CEP89: variants seen among roughly 807,000 people sequenced by gnomAD.
CEP89 encodes centrosomal protein 89, also known as centrosomal protein of 89 kDa.
In CEP89, 95 loss-of-function variants were observed where a neutral mutation model predicts 97.6. The ratio of observed to expected loss-of-function variants is 0.97; its 90% CI spans 0.82 to 1.15. The LOEUF (loss-of-function observed/expected upper bound fraction) is 1.15, where lower values mean the gene tolerates loss of function less well. Among genes scored for constraint, CEP89 ranks in the 50% most tolerant of loss-of-function variants. The pLI is 0.00. For synonymous variants in CEP89, 354 were observed against 349.1 expected, an observed-to-expected ratio of 1.01 and a Z score of -0.16; for missense variants, 869 against 947.7, an observed-to-expected ratio of 0.92 and a Z score of 1.09.
intron 13 of CEP89, 92 bp from the exon 14 acceptor site, chr19:32,915,609 T>A: frequency 8.8e-7 from 1 of 1,132,388 alleles, no homozygotes; most frequent in Non-Finnish European, 1.3e-6. Context: ...GAGAGTCAGC[T>A]GATAAAAATG....
chr19:32,971,224 C>T, intron 1 of CEP89: 1 of 325,506 alleles, frequency 3.1e-6, no homozygotes, highest in Non-Finnish European at 5.6e-6. Context: ...ATGGGACTTG[C>T]TGATGGGGTG....
chr19:32,954,032 CTAAT>C (rs1970994994), intron 3 of CEP89, among the ~76,000 whole-genome samples: 1 of 151,890 alleles, frequency 6.6e-6, no homozygotes, highest in South Asian at 2.1e-4. Context: ...CCGCGCCTGG[CTAAT>C]TTTTTTTTTT....
intron 1 of CEP89, chr19:32,969,364 C>T (rs1034567005): frequency 3.3e-5 from 5 of 152,394 alleles, no homozygotes; most frequent in East Asian, 1.9e-4. Flanking sequence ...AAAGGCTCCA[C>T]GAGTTTCCAC....
intron 5 of CEP89, among the ~76,000 whole-genome samples, chr19:32,944,029 A>C (rs1157714180): frequency 1.3e-5 from 2 of 151,900 alleles, no homozygotes; most frequent in Non-Finnish European, 2.9e-5. Context: ...GGAGTTCAAG[A>C]CCAGCCTGGG....
intron 11 of CEP89, 54 bp downstream of exon 11, chr19:32,926,136 A>T: frequency 8.0e-7 from 1 of 1,250,388 alleles, no homozygotes; most frequent in Non-Finnish European, 1.2e-6. Flanking sequence ...TAAAATTTGA[A>T]GCGGTCCTAT....
chr19:32,957,586 G>A (rs1001640752), intron 3 of CEP89, among the ~76,000 whole-genome samples: 1 of 152,134 alleles, frequency 6.6e-6, no homozygotes. Context: ...AAGGTGGGCA[G>A]ATGGCTTGAG....
intron 1 of CEP89, chr19:32,969,390 T>G (rs1568587474): frequency 6.6e-6 from 1 of 152,284 alleles, no homozygotes; most frequent in Non-Finnish European, 1.5e-5. Flanking sequence ...TCAGAGGGAC[T>G]GGCAGCCCAG....
intron 5 of CEP89, among the ~76,000 whole-genome samples, chr19:32,944,994 A>T (rs112635684): frequency 1.1e-4 from 17 of 152,216 alleles, no homozygotes; most frequent in African/African-American, 3.9e-4. Context: ...TCAAGGACCA[A>T]ACCACCAAAA....
chr19:32,887,664 G>T lies in CEP89; in HGVS notation c.1965+88C>A, dbSNP rs930172831. The T allele has an allele frequency of 4.5e-5, 35 of 778,278 alleles. 1 individual carries two copies. The Middle Eastern group carries it at 2.3e-3, about 51-fold the overall frequency. 48.2% of individuals were successfully genotyped at this position (778,278 alleles called of 1,614,324 possible). A position where few individuals can be genotyped will look rare whatever the true frequency, so the allele number is the denominator to read the frequency against. Reference sequence around the variant, plus strand: ...ACTATTAGTGATGCACATGCAAAAGGTGTCATTTTCTTAAACACAAAAATC... The same window carrying T: ...ACTATTAGTGATGCACATGCAAAAGTTGTCATTTTCTTAAACACAAAAATC... On this transcript the variant is annotated intron_variant, in intron 17 of 18. Coordinates refer to ENST00000305768, the MANE Select transcript of CEP89 (RefSeq NM_032816.5).
chr19:32,915,918 GAAAA>G (rs67539579), intron 13 of CEP89, among the ~76,000 whole-genome samples: 51 of 119,676 alleles, frequency 4.3e-4, no homozygotes, highest in Non-Finnish European at 7.2e-4. Flanking sequence ...GACTCTCTCA[GAAAA>G]AAAAAAAAAA....
intron 9 of CEP89, among the ~76,000 whole-genome samples, chr19:32,929,042 C>T (rs564711999): frequency 1.3e-5 from 2 of 152,228 alleles, no homozygotes; most frequent in Admixed American, 6.5e-5. Flanking sequence ...AATCAATGGC[C>T]TAGACAAAAT....
intron 2 of CEP89, among the ~76,000 whole-genome samples, chr19:32,964,313 A>C (rs1971236951): frequency 6.6e-6 from 1 of 152,132 alleles, no homozygotes; most frequent in Admixed American, 6.6e-5. Context: ...CTGGGACTAC[A>C]GGAGTGCACC....
At chr19:32,926,040 C>G (rs571118694) in intron 11 of CEP89, 150 bp downstream of exon 11, 2 of 676,660 alleles carry the variant, frequency 3.0e-6, no homozygotes, top group East Asian at 5.0e-5. Flanking sequence ...CACCCTGCCA[C>G]ACTCCTTCCT....
chr19:32,918,159 G>A (rs1399234918), intron 13 of CEP89, 65 bp downstream of exon 13: 1 of 1,314,484 alleles, frequency 7.6e-7, no homozygotes, highest in East Asian at 2.3e-5. Flanking sequence ...GCAGGAGAGA[G>A]ATAGAAGGGT....
intron 7 of CEP89, among the ~76,000 whole-genome samples, 198 bp from the exon 8 acceptor site, chr19:32,933,867 G>T (rs1183433461): frequency 6.6e-6 from 1 of 152,142 alleles, no homozygotes; most frequent in Non-Finnish European, 1.5e-5. Context: ...GGTACTGAGG[G>T]GAGGCCAGAA....
intron 4 of CEP89, among the ~76,000 whole-genome samples, chr19:32,949,872 T>C (rs1970875268): frequency 6.6e-6 from 1 of 152,078 alleles, no homozygotes; most frequent in Non-Finnish European, 1.5e-5. Context: ...AAGACGCCCA[T>C]GAGAAGGGGC....
rs1971286035 is a variant in CEP89 at position 32,966,438 on chromosome 19, G to A, written c.68C>T (p.Ala23Val). The A allele has an allele frequency of 6.4e-7, 1 of 1,563,592 alleles. No individual in the cohort carries two copies. The highest frequency in any genetic ancestry group is 2.4e-5 in the East Asian group (1 of 41,344). Residue 23 changes from alanine to valine, a missense_variant, in exon 2 of 19, where the codon GCA becomes GTA. By Grantham distance (64) the Ala-to-Val change is moderately conservative. Transcript: ENST00000305768. ...FKHIIHGLLP[A>V]ASVAPKAAVP... ...AGCTGCCTTCGGAGCAACGCTGGCT[G>A]CAGGTAAAAGGCCATGGATGATGTG... is the stretch of plus-strand genomic sequence containing the variant.
chr19:32,923,537 T>C lies in CEP89; in HGVS notation c.1170A>G (p.Glu390=), dbSNP rs1212225866. The change falls in exon 12 of 19, where the codon GAA becomes GAG. Residue 390 remains glutamate (E), a synonymous_variant. Coordinates refer to ENST00000305768, the MANE Select transcript of CEP89 (RefSeq NM_032816.5). ...GGACTCGCATCCTAAACATTCTCAT[T>C]TCCTCCTGAAATAAAATGTACGTAA... ...KDELNATLKE[E]MRMFRMRVQE... 3 of 1,576,508 alleles carry C rather than the reference T, an allele frequency of 1.9e-6. No individual in the cohort carries two copies. The highest frequency in any genetic ancestry group is 1.3e-5 in the African/African-American group (1 of 74,248).
chr19:32,945,966 T>C (rs1172875381), intron 5 of CEP89, among the ~76,000 whole-genome samples: 1 of 145,396 alleles, frequency 6.9e-6, no homozygotes, highest in Non-Finnish European at 1.5e-5. Flanking sequence ...GGATCTTGGG[T>C]TCTGGCTGAG....
Sources: allele counts gnomAD v4.1 joint callset (sites outside exome capture counted in the v4.1 genomes callset), GRCh38; gene constraint gnomAD v4.1.1; transcripts MANE v1.5; gene names NCBI Gene and HGNC (gene_info 2026-07-23, HGNC 2026-07-21).